Variants in ARL15 observed in about 807,000 individuals in gnomAD.
ARL15 encodes ARF like GTPase 15.
ARL15 carries 19 observed loss-of-function variants against 25.2 expected under a neutral mutation model. The observed-to-expected ratio is 0.75, with a 90% CI of 0.53 to 1.10. ARL15 has a LOEUF of 1.10. ARL15 is among the 50% of genes least tolerant of loss of function. ARL15 has a pLI of 0.00. For synonymous variants in ARL15, 94 were observed against 86.8 expected (o/e 1.08, Z -0.46); for missense variants, 220 against 246.0 (o/e 0.89, Z 0.71).
At chr5:54,212,800 T>G (rs936024599) in intron 1 of ARL15, among the ~76,000 whole-genome samples, 1 of 152,124 alleles carries the variant, frequency 6.6e-6, no homozygotes, top group Admixed American at 6.5e-5. Flanking sequence ...TAAGAGTGAA[T>G]CTACTGTTAG....
chr5:54,117,840 C>A (rs1752952237), intron 3 of ARL15, among the ~76,000 whole-genome samples: 1 of 152,088 alleles, frequency 6.6e-6, no homozygotes, highest in South Asian at 2.1e-4. Context: ...TATTTGTTGT[C>A]AATGGTAAAA....
At chr5:54,051,410 C>T (rs1221108208) in intron 4 of ARL15, among the ~76,000 whole-genome samples, 1 of 152,174 alleles carries the variant, frequency 6.6e-6, no homozygotes, top group Admixed American at 6.5e-5. Context: ...CTTCCTGTTC[C>T]TTTGCTTTAA....
At chr5:54,071,514 C>CA (rs1335962252) in intron 4 of ARL15, among the ~76,000 whole-genome samples, 2 of 18,090 alleles carry the variant, frequency 1.1e-4, no homozygotes, top group Admixed American at 6.2e-4. Context: ...CGCCTTTCCC[C>CA]CCCCCCCCCC....
At chr5:54,030,501 A>C (rs1363056889) in intron 4 of ARL15, among the ~76,000 whole-genome samples, 1 of 152,222 alleles carries the variant, frequency 6.6e-6, no homozygotes, top group Non-Finnish European at 1.5e-5. Context: ...GAGATGTGAT[A>C]GGGAGTGACT....
intron 1 of ARL15, among the ~76,000 whole-genome samples, chr5:54,303,655 C>CAAAA (rs749656181): frequency 3.1e-5 from 1 of 32,486 alleles, no homozygotes; most frequent in African/African-American, 1.1e-4. Context: ...GAGACCCTGT[C>CAAAA]AAAAAAAAAA....
At position 54,279,452 on chromosome 5, in the gene ARL15, CAGAG is replaced by C. The variant is rs150229303; in HGVS notation, c.48+30976_48+30979del. 3.3e-5 allele frequency among the ~76,000 whole-genome samples: 5 copies of C among 151,760 alleles called. No homozygotes were observed. In the East Asian group the frequency reaches 7.8e-4, roughly 24 times the overall value. On this transcript the variant is annotated intron_variant, in intron 1 of 4. Transcript: ENST00000504924. ...CCTTCTTATGTCCTCACATGGCAGA[CAGAG>C]AGAGAGAGAAAGCAAGCCCTTCGGT...
At chr5:54,279,047 T>C (rs755174581) in intron 1 of ARL15, among the ~76,000 whole-genome samples, 2 of 152,136 alleles carry the variant, frequency 1.3e-5, no homozygotes, top group African/African-American at 2.4e-5. Flanking sequence ...CACTGCTATT[T>C]GGCAGTAACA....
At chr5:54,120,489 T>C (rs553166058) in intron 3 of ARL15, among the ~76,000 whole-genome samples, 11 of 152,308 alleles carry the variant, frequency 7.2e-5, no homozygotes, top group Admixed American at 2.0e-4. Flanking sequence ...TATACTGTTC[T>C]GATGTCCAAC....
intron 3 of ARL15, among the ~76,000 whole-genome samples, chr5:54,151,065 G>A (rs1483587752): frequency 1.3e-5 from 2 of 152,126 alleles, no homozygotes; most frequent in African/African-American, 4.8e-5. Context: ...CATGTCTGGT[G>A]TTATCTTATC....
At chr5:54,163,785 C>CT (rs1216361490) in intron 2 of ARL15, among the ~76,000 whole-genome samples, 1 of 151,736 alleles carries the variant, frequency 6.6e-6, no homozygotes, top group Admixed American at 6.6e-5. Flanking sequence ...TTATTTGTGT[C>CT]TTTTTTATTT....
chr5:54,172,153 C>T (rs1348273040), intron 1 of ARL15, among the ~76,000 whole-genome samples: 1 of 152,126 alleles, frequency 6.6e-6, no homozygotes, highest in African/African-American at 2.4e-5. Flanking sequence ...TTCATGCCTC[C>T]CTTCCTGCTA....
chr5:53,907,165 A>G (rs1464408187), intron 4 of ARL15, among the ~76,000 whole-genome samples: 1 of 151,896 alleles, frequency 6.6e-6, no homozygotes, highest in Non-Finnish European at 1.5e-5. Context: ...TCATTTAACT[A>G]CTACATGGCC....
intron 4 of ARL15, among the ~76,000 whole-genome samples, chr5:54,066,642 T>C (rs1751243255): frequency 6.6e-6 from 1 of 152,150 alleles, no homozygotes; most frequent in Non-Finnish European, 1.5e-5. Flanking sequence ...TGGTCACAAC[T>C]CAGGAGGTAC....
chr5:54,050,930 C>T (rs1750685621), intron 4 of ARL15, among the ~76,000 whole-genome samples: 1 of 152,064 alleles, frequency 6.6e-6, no homozygotes, highest in Non-Finnish European at 1.5e-5. Context: ...CAATTTGGCT[C>T]AAATGTGATT....
chr5:54,118,601 C>T (rs949518949), intron 3 of ARL15, among the ~76,000 whole-genome samples: 13 of 152,050 alleles, frequency 8.5e-5, no homozygotes, highest in Admixed American at 6.6e-5. Context: ...TAGTTTCTAG[C>T]GGGAATAAAA....
At chr5:53,968,120 T>A (rs916880865) in intron 4 of ARL15, among the ~76,000 whole-genome samples, 5 of 152,130 alleles carry the variant, frequency 3.3e-5, no homozygotes, top group Admixed American at 2.0e-4. Flanking sequence ...GACATTAGAC[T>A]TCTGGTTTCG....
chr5:53,900,582 A>G (rs911189983), intron 4 of ARL15, among the ~76,000 whole-genome samples: 1 of 152,088 alleles, frequency 6.6e-6, no homozygotes, highest in African/African-American at 2.4e-5. Flanking sequence ...AGTATTCTCA[A>G]TATAATGTGA....
chr5:53,942,370 T>C lies in ARL15; in HGVS notation c.463-55657A>G, dbSNP rs376770333. ...ACTAGAAGCTGTGGAAGCACAGGAATAATCTAGAAATCGGTTGAGAGCTTT... is the reference window on the plus strand; with the variant it reads ...ACTAGAAGCTGTGGAAGCACAGGAACAATCTAGAAATCGGTTGAGAGCTTT... On this transcript the variant is annotated intron_variant, in intron 4 of 4. Coordinates refer to ENST00000504924, the MANE Select transcript of ARL15 (RefSeq NM_019087.3). Among the ~76,000 whole-genome samples the C allele has an allele frequency of 2.6e-5, 4 of 152,180 alleles. No individual in the cohort carries two copies. The East Asian group carries it at 7.7e-4, about 29-fold the overall frequency.
At chr5:53,971,664 A>G (rs888723887) in intron 4 of ARL15, among the ~76,000 whole-genome samples, 1 of 152,142 alleles carries the variant, frequency 6.6e-6, no homozygotes, top group African/African-American at 2.4e-5. Flanking sequence ...GTTAAATTTC[A>G]TATTTGGTGC....
Sources: allele counts gnomAD v4.1 joint callset (sites outside exome capture counted in the v4.1 genomes callset), GRCh38; gene constraint gnomAD v4.1.1; transcripts MANE v1.5; gene names NCBI Gene and HGNC (gene_info 2026-07-23, HGNC 2026-07-21).